The following GRM7 variants were observed in gnomAD, a reference collection of about 807,000 sequenced individuals.
GRM7 encodes the protein metabotropic glutamate receptor 7.
A neutral mutation model predicts 84.5 loss-of-function variants in GRM7; 35 were observed. That is an observed-to-expected ratio of 0.41 (90% CI 0.32 to 0.55). The LOEUF (loss-of-function observed/expected upper bound fraction) is 0.55. Ranked by LOEUF, GRM7 falls within the 20% of genes least tolerant of loss-of-function variation. The probability of loss-of-function intolerance (pLI) is 0.19; values close to 1 mark genes in which losing one functional copy is unlikely to be tolerated. For missense variants in GRM7, 1,003 were observed against 1,194.6 expected, an observed-to-expected ratio of 0.84 and a Z score of 2.36; for synonymous variants, 487 against 455.1, an observed-to-expected ratio of 1.07 and a Z score of -0.89.
chr3:6,978,453 G>T lies in GRM7; in HGVS notation c.519+116546G>T, dbSNP rs940770783. Reference sequence around the variant, plus strand: ...GCTGCAACAGTAAGAAATGAATATAGCAAGGGCACTGGAAATTATTGTTTT... The same window carrying T: ...GCTGCAACAGTAAGAAATGAATATATCAAGGGCACTGGAAATTATTGTTTT... On this transcript the variant is annotated intron_variant, in intron 1 of 9. Transcript: ENST00000357716. Among the ~76,000 whole-genome samples the T allele has an allele frequency of 2.6e-5, 4 of 152,144 alleles. No individual in the cohort carries two copies. In the East Asian group the frequency reaches 7.7e-4, roughly 29 times the overall value.
intron 9 of GRM7, among the ~76,000 whole-genome samples, chr3:7,707,893 T>C (rs1299962577): frequency 6.6e-6 from 1 of 151,928 alleles, no homozygotes; most frequent in Non-Finnish European, 1.5e-5. Context: ...TTCACTTTTG[T>C]GGTACCACAA....
intron 2 of GRM7, among the ~76,000 whole-genome samples, chr3:7,277,477 C>A (rs1254925456): frequency 6.6e-6 from 1 of 151,922 alleles, no homozygotes; most frequent in Non-Finnish European, 1.5e-5. Context: ...TTGGAGCTAC[C>A]ACTTTTTTAT....
At chr3:7,169,650 G>A (rs1283237982) in intron 2 of GRM7, among the ~76,000 whole-genome samples, 1 of 152,242 alleles carries the variant, frequency 6.6e-6, no homozygotes, top group Non-Finnish European at 1.5e-5. Context: ...CTTGGGGAGA[G>A]AGCTTCTTTG....
At chr3:7,213,578 G>A (rs1696501538) in intron 2 of GRM7, among the ~76,000 whole-genome samples, 1 of 152,184 alleles carries the variant, frequency 6.6e-6, no homozygotes, top group Admixed American at 6.5e-5. Context: ...ATATACAGGA[G>A]GTTTACTGGG....
chr3:7,267,582 A>T (rs1698690366), intron 2 of GRM7, among the ~76,000 whole-genome samples: 1 of 152,226 alleles, frequency 6.6e-6, no homozygotes, highest in Admixed American at 6.5e-5. Context: ...TGCAGCCCGG[A>T]GTGCCAATCA....
At chr3:6,997,556 C>T (rs1475326016) in intron 1 of GRM7, among the ~76,000 whole-genome samples, 4 of 152,152 alleles carry the variant, frequency 2.6e-5, no homozygotes, top group Non-Finnish European at 5.9e-5. Context: ...ATGGAGGTAA[C>T]TGCCCCCATG....
chr3:7,658,795 G>A (rs540071904), intron 8 of GRM7, among the ~76,000 whole-genome samples: 1 of 152,214 alleles, frequency 6.6e-6, no homozygotes, highest in South Asian at 2.1e-4. Context: ...TATTGAATTT[G>A]AATCTTTGAA....
intron 1 of GRM7, among the ~76,000 whole-genome samples, chr3:6,932,645 T>C (rs1038596096): frequency 6.6e-6 from 1 of 152,132 alleles, no homozygotes; most frequent in Non-Finnish European, 1.5e-5. Flanking sequence ...TTAGATATTA[T>C]GTTCATCATA....
intron 5 of GRM7, 56 bp from the exon 6 acceptor site, chr3:7,452,551 T>C (rs1697815107): frequency 8.5e-7 from 1 of 1,177,486 alleles, no homozygotes; most frequent in South Asian, 1.2e-5. Flanking sequence ...TTCTACTCAA[T>C]GCCAATTTGT....
At chr3:7,001,721 T>C (rs1695020415) in intron 1 of GRM7, among the ~76,000 whole-genome samples, 1 of 152,220 alleles carries the variant, frequency 6.6e-6, no homozygotes, top group Non-Finnish European at 1.5e-5. Context: ...GTGCTCAATG[T>C]TAAGTTTTGT....
chr3:7,286,431 G>T (rs575365209), intron 2 of GRM7, among the ~76,000 whole-genome samples: 1 of 152,238 alleles, frequency 6.6e-6, no homozygotes, highest in East Asian at 1.9e-4. Context: ...ATGCTAATGT[G>T]AAATGCTGTT....
chr3:7,520,417 C>A (rs545341312), intron 7 of GRM7: 2 of 152,128 alleles, frequency 1.3e-5, no homozygotes, highest in African/African-American at 2.4e-5. Context: ...CTTATTAATT[C>A]TCCTAACTTC....
intron 1 of GRM7, among the ~76,000 whole-genome samples, chr3:7,082,345 C>T (rs1295249383): frequency 6.6e-6 from 1 of 151,996 alleles, no homozygotes; most frequent in African/African-American, 2.4e-5. Context: ...AACAACAAAA[C>T]CTGGATGACA....
intron 2 of GRM7, among the ~76,000 whole-genome samples, chr3:7,249,699 C>T (rs1697906307): frequency 2.0e-5 from 3 of 151,716 alleles, no homozygotes; most frequent in Admixed American, 2.0e-4. Flanking sequence ...GAATTTACCA[C>T]ATGAAAAAAA....
intron 1 of GRM7, among the ~76,000 whole-genome samples, chr3:7,107,807 A>G (rs1041064323): frequency 1.3e-5 from 2 of 152,092 alleles, no homozygotes; most frequent in Admixed American, 1.3e-4. Flanking sequence ...GATGGAAACT[A>G]AAGAAAGGAA....
At chr3:7,415,507 G>A (rs932520925) in intron 5 of GRM7, among the ~76,000 whole-genome samples, 18 of 151,980 alleles carry the variant, frequency 1.2e-4, no homozygotes, top group Non-Finnish European at 2.5e-4. Flanking sequence ...TGCCATTGTC[G>A]GATTTAACTG....
chr3:6,978,722 A>G (rs1020948773), intron 1 of GRM7, among the ~76,000 whole-genome samples: 1 of 152,118 alleles, frequency 6.6e-6, no homozygotes, highest in African/African-American at 2.4e-5. Flanking sequence ...GCATAACGGG[A>G]AAGGAAAGGA....
intron 9 of GRM7, among the ~76,000 whole-genome samples, chr3:7,695,035 G>A (rs1041975092): frequency 1.3e-5 from 2 of 152,154 alleles, no homozygotes; most frequent in Admixed American, 6.5e-5. Context: ...ATCACTTACA[G>A]AGCAAAGTGT....
At chr3:6,891,852 C>T (rs540314764) in intron 1 of GRM7, among the ~76,000 whole-genome samples, 92 of 152,308 alleles carry the variant, frequency 6.0e-4, no homozygotes, top group South Asian at 2.3e-3. Context: ...CTATTCTCCC[C>T]GTCACTTTCA....
Sources: allele counts gnomAD v4.1 joint callset (sites outside exome capture counted in the v4.1 genomes callset), GRCh38; gene constraint gnomAD v4.1.1; transcripts MANE v1.5; gene names NCBI Gene and HGNC (gene_info 2026-07-23, HGNC 2026-07-21).